The following ASTN2 variants were observed in gnomAD, a reference collection of about 807,000 sequenced individuals.
ASTN2 encodes the protein astrotactin-2.
Under a neutral mutation model 139.8 loss-of-function variants are expected in ASTN2, and 54 were observed. The observed-to-expected ratio is 0.39, with a 90% CI of 0.31 to 0.48. The LOEUF is 0.48. ASTN2 is among the 20% of genes least tolerant of loss of function. ASTN2 has a pLI of 0.95. For synonymous variants in ASTN2, 756 were observed against 719.5 expected, an observed-to-expected ratio of 1.05 and a Z score of -0.81; for missense variants, 1,565 against 1,725.1, an observed-to-expected ratio of 0.91 and a Z score of 1.64.
intron 22 of ASTN2, chr9:116,437,224 T>G (rs1847684181): frequency 2.3e-6 from 1 of 434,526 alleles, no homozygotes; most frequent in Non-Finnish European, 4.7e-6. Flanking sequence ...ACCACTGTTC[T>G]AGTTCGTCCT....
At chr9:116,427,330 G>A (rs1408224145) in intron 22 of ASTN2, among the ~76,000 whole-genome samples, 1 of 152,126 alleles carries the variant, frequency 6.6e-6, no homozygotes, top group Non-Finnish European at 1.5e-5. Flanking sequence ...AATATCTTCT[G>A]GGGGCAAAAT....
At chr9:116,769,154 G>A (rs1247761340) in intron 13 of ASTN2, among the ~76,000 whole-genome samples, 5 of 152,182 alleles carry the variant, frequency 3.3e-5, no homozygotes, top group Non-Finnish European at 7.3e-5. Flanking sequence ...AGAAGGCTGG[G>A]AAGTATCTAA....
At position 116,916,186 on chromosome 9, in the gene ASTN2, T is replaced by C. The variant is rs550687374; in HGVS notation, c.1890-52453A>G. Among the ~76,000 whole-genome samples, 7 of 152,198 alleles carry C rather than the reference T, an allele frequency of 4.6e-5. No individual in the cohort carries two copies. In the South Asian group the frequency reaches 1.5e-3, roughly 32 times the overall value. ...GTAGCCTTATTTCCACATGTTGGGG[T>C]TTCATGTTGTTGTCTGTCCCTGACC... On this transcript the variant is annotated intron_variant, in intron 10 of 22. Coordinates refer to ENST00000313400, the MANE Select transcript of ASTN2 (RefSeq NM_001365068.1).
intron 19 of ASTN2, among the ~76,000 whole-genome samples, chr9:116,564,058 T>C (rs1376611582): frequency 2.6e-5 from 4 of 152,248 alleles, no homozygotes; most frequent in African/African-American, 9.6e-5. Context: ...ATTGATATTT[T>C]GTCTATTTTA....
At chr9:117,280,835 C>T (rs2133143250) in intron 2 of ASTN2, among the ~76,000 whole-genome samples, 1 of 152,232 alleles carries the variant, frequency 6.6e-6, no homozygotes, top group African/African-American at 2.4e-5. Flanking sequence ...TGGGGGGAGA[C>T]ACTTTGAGAC....
At chr9:117,115,137 A>G (rs1003277223) in intron 4 of ASTN2, among the ~76,000 whole-genome samples, 5 of 152,216 alleles carry the variant, frequency 3.3e-5, no homozygotes, top group African/African-American at 1.2e-4. Flanking sequence ...TTTTGTATAC[A>G]GCAATCATCA....
intron 10 of ASTN2, among the ~76,000 whole-genome samples, chr9:116,908,049 T>C (rs565947040): frequency 1.3e-5 from 2 of 152,294 alleles, no homozygotes; most frequent in South Asian, 4.1e-4. Flanking sequence ...TCTCTGGCTC[T>C]GGAATCTCAA....
intron 2 of ASTN2, among the ~76,000 whole-genome samples, chr9:117,285,711 T>A (rs1384680506): frequency 1.3e-5 from 2 of 152,186 alleles, no homozygotes; most frequent in Non-Finnish European, 2.9e-5. Flanking sequence ...AACCCACAAC[T>A]TCTTGATTCG....
chr9:116,423,289 T>C lies in ASTN2; in HGVS notation c.*2562A>G, dbSNP rs1847232605. 6.6e-6 allele frequency among the ~76,000 whole-genome samples: 1 copy of C among 152,178 alleles called. No individual in the cohort carries two copies. The highest frequency in any genetic ancestry group is 6.5e-5 in the Admixed American group (1 of 15,270). ...TGGATGCATGTTAACTCCCTTATCA[T>C]TCAAGCTGGGAAACAACCCCTTGAG... On this transcript the variant is annotated 3_prime_UTR_variant, in exon 23 of 23. Coordinates refer to ENST00000313400, the MANE Select transcript of ASTN2 (RefSeq NM_001365068.1).
intron 16 of ASTN2, among the ~76,000 whole-genome samples, chr9:116,655,098 G>T (rs1436684656): frequency 1.3e-5 from 2 of 152,106 alleles, no homozygotes; most frequent in Non-Finnish European, 2.9e-5. Context: ...CAACCCCATT[G>T]AAACCTATTA....
At chr9:116,729,219 A>G in intron 14 of ASTN2, 123 bp from the exon 15 acceptor site, 1 of 723,568 alleles carries the variant, frequency 1.4e-6, no homozygotes, top group Non-Finnish European at 2.3e-6. Flanking sequence ...TTTCACTGGG[A>G]TTGACAATTT....
chr9:117,049,606 G>A (rs200580280), intron 5 of ASTN2, among the ~76,000 whole-genome samples: 2 of 152,100 alleles, frequency 1.3e-5, no homozygotes, highest in East Asian at 1.9e-4. Context: ...TGTAAGGCAG[G>A]GGTTACCCTT....
intron 16 of ASTN2, among the ~76,000 whole-genome samples, chr9:116,722,097 T>C (rs1476287163): frequency 6.6e-6 from 1 of 152,152 alleles, no homozygotes; most frequent in Non-Finnish European, 1.5e-5. Context: ...AGCCTGGAAA[T>C]GTTGGCCTCC....
chr9:116,912,008 G>A (rs575703849), intron 10 of ASTN2, among the ~76,000 whole-genome samples: 1 of 152,342 alleles, frequency 6.6e-6, no homozygotes, highest in South Asian at 2.1e-4. Flanking sequence ...AATGACAAGT[G>A]TGTGACTAAC....
At chr9:116,728,961 G>C in intron 15 of ASTN2, 31 bp downstream of exon 15, 1 of 1,541,792 alleles carries the variant, frequency 6.5e-7, no homozygotes, top group Non-Finnish European at 8.8e-7. Flanking sequence ...ATTATTCCAA[G>C]TCCCCTGGCT....
intron 6 of ASTN2, among the ~76,000 whole-genome samples, chr9:117,034,547 A>C (rs1451618650): frequency 6.6e-6 from 1 of 152,290 alleles, no homozygotes; most frequent in South Asian, 2.1e-4. Flanking sequence ...AAGTGATCAC[A>C]TATGTTAGAT....
At chr9:116,807,243 T>C (rs2132249102) in intron 12 of ASTN2, among the ~76,000 whole-genome samples, 1 of 152,288 alleles carries the variant, frequency 6.6e-6, no homozygotes, top group East Asian at 1.9e-4. Flanking sequence ...AGGCTCTGTA[T>C]GGTGGTTTGG....
intron 1 of ASTN2, among the ~76,000 whole-genome samples, chr9:117,316,024 A>T (rs10818020): frequency 0.3 from 45,724 of 152,176 alleles, 7,849 homozygotes; most frequent in East Asian, 0.45. Flanking sequence ...TCACAATACT[A>T]GGAGGTAGAT....
intron 4 of ASTN2, among the ~76,000 whole-genome samples, chr9:117,116,985 T>C (rs1829412320): frequency 6.6e-6 from 1 of 150,792 alleles, no homozygotes; most frequent in South Asian, 2.2e-4. Context: ...CACAATCAAC[T>C]CCTGGGTCTC....
Sources: gnomAD v4.1 joint callset for allele counts (sites outside exome capture counted in the v4.1 genomes callset) on GRCh38, gnomAD v4.1.1 for gene constraint, MANE v1.5 for transcripts, NCBI Gene and HGNC (gene_info 2026-07-23, HGNC 2026-07-21) for gene names.